Variants in BBS9 observed in about 807,000 individuals in gnomAD.
The protein encoded by BBS9 is protein PTHB1.
In BBS9, 89 loss-of-function variants were observed where a neutral mutation model predicts 117.7. The observed-to-expected ratio is 0.76, with a 90% CI of 0.64 to 0.90. The LOEUF is 0.90. BBS9 is among the 40% of genes least tolerant of loss of function. The pLI is 0.00. For missense variants in BBS9, 982 were observed against 1,042.2 expected (o/e 0.94, Z 0.80); for synonymous variants, 379 against 370.9 (o/e 1.02, Z -0.25).
intron 9 of BBS9, among the ~76,000 whole-genome samples, chr7:33,321,663 A>C (rs746384295): frequency 6.6e-6 from 1 of 152,078 alleles, no homozygotes; most frequent in South Asian, 2.1e-4. Context: ...ATTGTCTGCA[A>C]ACAAGGGCAA....
intron 6 of BBS9, among the ~76,000 whole-genome samples, chr7:33,262,312 C>T (rs190681509): frequency 6.6e-6 from 1 of 152,152 alleles, no homozygotes; most frequent in African/African-American, 2.4e-5. Context: ...TCAAACAGCT[C>T]AAAGAGTTTT....
intron 4 of BBS9, among the ~76,000 whole-genome samples, chr7:33,163,043 T>A (rs1795109903): frequency 6.6e-6 from 1 of 152,124 alleles, no homozygotes. Flanking sequence ...GCATGAAGGG[T>A]TCTTGAATTT....
intron 21 of BBS9, among the ~76,000 whole-genome samples, chr7:33,550,162 T>A (rs576378812): frequency 6.6e-6 from 1 of 152,328 alleles, no homozygotes; most frequent in Non-Finnish European, 1.5e-5. Flanking sequence ...ACTTCCTGTT[T>A]CTTTTCCTTC....
intron 19 of BBS9, among the ~76,000 whole-genome samples, chr7:33,421,693 A>AC (rs1832883770): frequency 6.6e-6 from 1 of 152,186 alleles, no homozygotes; most frequent in Non-Finnish European, 1.5e-5. Flanking sequence ...GGAAACAAAC[A>AC]GTAGAGATCT....
chr7:33,467,796 G>A (rs1840405411), intron 19 of BBS9, among the ~76,000 whole-genome samples: 1 of 151,868 alleles, frequency 6.6e-6, no homozygotes, highest in Non-Finnish European at 1.5e-5. Context: ...CAGATTCTGA[G>A]TAGTTGGGGT....
intron 13 of BBS9, among the ~76,000 whole-genome samples, chr7:33,349,620 G>A (rs1242918019): frequency 3.3e-5 from 5 of 151,954 alleles, no homozygotes; most frequent in South Asian, 4.2e-4. Context: ...TAGTAGAGAC[G>A]GGGTTTCGCC....
intron 19 of BBS9, among the ~76,000 whole-genome samples, chr7:33,450,588 C>T (rs567418905): frequency 2.9e-4 from 44 of 152,206 alleles, no homozygotes; most frequent in Admixed American, 2.8e-3. Flanking sequence ...GGTGATAGCT[C>T]TTTGTGGTTT....
chr7:33,170,707 T>C (rs1326373296), intron 4 of BBS9, among the ~76,000 whole-genome samples: 3 of 148,730 alleles, frequency 2.0e-5, no homozygotes, highest in African/African-American at 7.4e-5. Flanking sequence ...GAAAACCCCA[T>C]TGTCTCAGCC....
intron 21 of BBS9, among the ~76,000 whole-genome samples, chr7:33,587,042 A>C (rs763857708): frequency 2.7e-4 from 41 of 152,050 alleles, no homozygotes; most frequent in Admixed American, 9.2e-4. Context: ...CCGATTCTAA[A>C]ATAAAAATTG....
chr7:33,568,554 A>T (rs1479045081), intron 21 of BBS9, among the ~76,000 whole-genome samples: 1 of 152,214 alleles, frequency 6.6e-6, no homozygotes, highest in Non-Finnish European at 1.5e-5. Flanking sequence ...AACATAGTGG[A>T]TACTACAAAG....
At chr7:33,423,260 G>A (rs1376396741) in intron 19 of BBS9, among the ~76,000 whole-genome samples, 2 of 152,160 alleles carry the variant, frequency 1.3e-5, no homozygotes, top group African/African-American at 4.8e-5. Context: ...ATCTGCCTCT[G>A]CTGCTGGGGT....
intron 9 of BBS9, among the ~76,000 whole-genome samples, chr7:33,300,333 T>C (rs112046174): frequency 5.3e-5 from 8 of 152,176 alleles, no homozygotes; most frequent in Non-Finnish European, 1.2e-4. Context: ...GCTTCTGGCA[T>C]GGAGCAGATT....
intron 16 of BBS9, among the ~76,000 whole-genome samples, chr7:33,364,713 C>A (rs1026620893): frequency 8.1e-6 from 1 of 123,492 alleles, no homozygotes; most frequent in South Asian, 3.4e-4. Flanking sequence ...TTCTCCCATC[C>A]TGTCCTCCTC....
intron 21 of BBS9, among the ~76,000 whole-genome samples, chr7:33,574,316 T>A (rs1185857122): frequency 6.6e-6 from 1 of 152,202 alleles, no homozygotes; most frequent in Non-Finnish European, 1.5e-5. Flanking sequence ...TCACCAACTG[T>A]GGGTCAGTGG....
At chr7:33,620,812 G>T (rs1865368957) in intron 21 of BBS9, among the ~76,000 whole-genome samples, 3 of 152,102 alleles carry the variant, frequency 2.0e-5, no homozygotes, top group Admixed American at 2.0e-4. Context: ...CAAAGCTGGA[G>T]GCATCACACT....
At chr7:33,222,862 A>G (rs1192746338) in intron 5 of BBS9, among the ~76,000 whole-genome samples, 1 of 151,894 alleles carries the variant, frequency 6.6e-6, no homozygotes. Flanking sequence ...CTGAGATGAA[A>G]GAATCACTTG....
intron 19 of BBS9, among the ~76,000 whole-genome samples, chr7:33,465,525 T>A (rs1022200690): frequency 3.3e-5 from 5 of 152,166 alleles, no homozygotes; most frequent in African/African-American, 1.2e-4. Context: ...CTATAAATAT[T>A]AACGGATTTC....
chr7:33,185,161 T>G (rs1798643551), intron 5 of BBS9, among the ~76,000 whole-genome samples: 2 of 152,158 alleles, frequency 1.3e-5, no homozygotes, highest in African/African-American at 4.8e-5. Context: ...TTGGTGGGTT[T>G]TGGCTGGCTT....
At chr7:33,135,931 T>G (rs148907241) in intron 1 of BBS9, among the ~76,000 whole-genome samples, 1 of 152,200 alleles carries the variant, frequency 6.6e-6, no homozygotes, top group Non-Finnish European at 1.5e-5. Flanking sequence ...TTCTTTTTTT[T>G]TTTGTTTTTT....
Sources: allele counts gnomAD v4.1 joint callset (sites outside exome capture counted in the v4.1 genomes callset), GRCh38; gene constraint gnomAD v4.1.1; transcripts MANE v1.5; gene names NCBI Gene and HGNC (gene_info 2026-07-23, HGNC 2026-07-21).